Variants in CCDC39 observed in about 807,000 individuals in gnomAD.
CCDC39 encodes the protein coiled-coil domain 39 molecular ruler complex subunit.
A neutral mutation model predicts 121.0 loss-of-function variants in CCDC39; 113 were observed. The ratio of observed to expected loss-of-function variants is 0.93; its 90% CI spans 0.80 to 1.09. The LOEUF (loss-of-function observed/expected upper bound fraction) is 1.09, where lower values mean the gene tolerates loss of function less well. Among genes scored for constraint, CCDC39 ranks in the 50% least tolerant of loss-of-function variants. CCDC39 has a pLI of 0.00. For synonymous variants in CCDC39, 349 were observed against 352.2 expected (o/e 0.99, Z 0.10); for missense variants, 1,063 against 1,074.7 (o/e 0.99, Z 0.15).
rs778384363 is a variant in CCDC39 at position 180,679,367 on chromosome 3, A to G, written c.14T>C (p.Phe5Ser). MSSE[F>S]LAELHWEDGF... ...ATCCTCCCAGTGCAGCTCAGCCAGG[A>G]ATTCGCTACTCATGACTGCAAACGG... is the stretch of plus-strand genomic sequence containing the variant. The change falls in exon 1 of 20, where the codon TTC becomes TCC. Residue 5 changes from phenylalanine to serine, a missense_variant. Coordinates refer to ENST00000476379, the MANE Select transcript of CCDC39 (RefSeq NM_181426.2). The surrounding 1 kb of genome is among the most constrained non-coding windows in gnomAD (Gnocchi z 4.0). 1 of 1,613,868 alleles carries G rather than the reference A, an allele frequency of 6.2e-7. No individual in the cohort carries two copies. The highest frequency in any genetic ancestry group is 2.2e-5 in the East Asian group (1 of 44,858).
rs1196761332 is a variant in CCDC39, at chr3:180,615,022, G to A, written c.2725C>T (p.Leu909Phe). 1.9e-6 allele frequency: 3 copies of A among 1,558,332 alleles called. No individual in the cohort carries two copies. The highest frequency in any genetic ancestry group is 2.6e-6 in the Non-Finnish European group (3 of 1,150,090). Residue 909 changes from leucine to phenylalanine, a missense_variant, in exon 20 of 20, where the codon CTT (leucine) becomes TTT (phenylalanine). Coordinates refer to ENST00000476379, the MANE Select transcript of CCDC39 (RefSeq NM_181426.2). The stretch of plus-strand genomic sequence containing the variant: ...AGTGAAGAGGAGGCCGGGAATTTAA[G>A]CTCCAGTACTTTAATTGAAGACTGA... ...TSQSSIKVLELKFPASSSLVG... is the reference protein window; with the variant it reads ...TSQSSIKVLEFKFPASSSLVG...
rs369225944 is a variant in CCDC39 at position 180,660,580 on chromosome 3, T to C, written c.506A>G (p.Asn169Ser). 29 of 1,580,376 alleles carry C rather than the reference T, an allele frequency of 1.8e-5. No homozygotes were observed. Among genetic ancestry groups the C allele is most frequent in the Non-Finnish European group, 2.4e-5 (28 of 1,159,926 alleles). Residue 169 changes from asparagine (N) to serine (S), a missense_variant, in exon 4 of 20, where the codon AAT becomes AGT. Physicochemically the swap from Asn to Ser is conservative, Grantham distance 46. Coordinates refer to ENST00000476379, the MANE Select transcript of CCDC39 (RefSeq NM_181426.2). ...TLQKYAQQDDNKIRALTLQLE... is the reference protein window; with the variant it reads ...TLQKYAQQDDSKIRALTLQLE... ...TTTGTAATTTCTCACCCTGATTTTA[T>C]TATCATCTTGTTGTGCATACTTCTG...
intron 7 of CCDC39, among the ~76,000 whole-genome samples, chr3:180,653,255 C>G (rs1447949556): frequency 6.6e-6 from 1 of 152,202 alleles, no homozygotes; most frequent in African/African-American, 2.4e-5. Flanking sequence ...CCACTGCAAC[C>G]TTGTACAAAA....
At chr3:180,637,377 C>T (rs1199769553) in intron 13 of CCDC39, among the ~76,000 whole-genome samples, 1 of 152,130 alleles carries the variant, frequency 6.6e-6, no homozygotes. Flanking sequence ...GATACCATCT[C>T]ACACCAGTCA....
chr3:180,630,549 T>A (rs1360267693), intron 14 of CCDC39, among the ~76,000 whole-genome samples: 2 of 152,190 alleles, frequency 1.3e-5, no homozygotes, highest in Non-Finnish European at 2.9e-5. Context: ...CTCACCCCTA[T>A]TCATGTATGG....
At chr3:180,625,406 A>T (rs1717536157) in intron 14 of CCDC39, among the ~76,000 whole-genome samples, 3 of 136,260 alleles carry the variant, frequency 2.2e-5, no homozygotes, top group African/African-American at 5.5e-5. Context: ...CCCTGAATTG[A>T]TTTCTGATTT....
rs1188756080 is a variant in CCDC39, at chr3:180,642,054, C to G, written c.1813G>C (p.Val605Leu). 1.2e-6 allele frequency: 2 copies of G among 1,610,250 alleles called. No individual in the cohort carries two copies. Among genetic ancestry groups the G allele is most frequent in the Admixed American group, 3.3e-5 (2 of 59,728 alleles). Residue 605 changes from valine (V) to leucine (L), a missense_variant, in exon 13 of 20, where the codon GTT (valine) becomes CTT (leucine). Transcript: ENST00000476379. ...TGTGACGCAAGCATTGTTTTATGAACCTTGATTTCTTCAGTTCGCTCTTCC... is the reference window on the plus strand; with the variant it reads ...TGTGACGCAAGCATTGTTTTATGAAGCTTGATTTCTTCAGTTCGCTCTTCC... The part of the protein sequence containing the change: ...AMEERTEEIK[V>L]HKTMLASQIR...
chr3:180,654,347 A>C (rs1484288424), intron 7 of CCDC39, among the ~76,000 whole-genome samples: 8 of 151,896 alleles, frequency 5.3e-5, no homozygotes, highest in Admixed American at 1.3e-4. Flanking sequence ...TTCTCAAAGA[A>C]AACACAGGAG....
At position 180,614,323 on chromosome 3, in the gene CCDC39, T is replaced by G. The variant is rs950032442; in HGVS notation, c.*598A>C. The G allele has an allele frequency of 6.6e-6, 1 of 151,026 alleles. No homozygotes were observed. Among genetic ancestry groups the G allele is most frequent in the African/African-American group, 2.4e-5 (1 of 41,044 alleles). The allele number at this position is 151,026 out of a possible 1,614,324, so 9.4% of individuals were successfully genotyped here. A position where few individuals can be genotyped will look rare whatever the true frequency, so the allele number is the denominator to read the frequency against. Reference sequence around the variant, plus strand: ...AAGGTCAGAAGTGATTTTTCTAAATTTATGCTGCATTTTAAAATTGATATA... The same window carrying G: ...AAGGTCAGAAGTGATTTTTCTAAATGTATGCTGCATTTTAAAATTGATATA... On this transcript the variant is annotated 3_prime_UTR_variant, in exon 20 of 20. Coordinates refer to ENST00000476379, the MANE Select transcript of CCDC39 (RefSeq NM_181426.2).
At chr3:180,630,076 CA>C (rs1176690915) in intron 14 of CCDC39, among the ~76,000 whole-genome samples, 1 of 152,126 alleles carries the variant, frequency 6.6e-6, no homozygotes, top group Non-Finnish European at 1.5e-5. Flanking sequence ...TTAGGCCTCA[CA>C]TGGTTAAGTA....
intron 13 of CCDC39, among the ~76,000 whole-genome samples, chr3:180,638,612 G>A (rs544975063): frequency 1.4e-4 from 21 of 152,096 alleles, no homozygotes; most frequent in African/African-American, 4.8e-4. Flanking sequence ...ACAATAGCAA[G>A]AGACTATAAT....
intron 17 of CCDC39, 59 bp from the exon 18 acceptor site, chr3:180,616,754 T>G: frequency 6.3e-7 from 1 of 1,577,094 alleles, no homozygotes; most frequent in South Asian, 1.2e-5. Flanking sequence ...TTAATATTTT[T>G]AATAGATGAA....
At chr3:180,615,600 T>C (rs1377969571) in intron 19 of CCDC39, among the ~76,000 whole-genome samples, 1 of 152,166 alleles carries the variant, frequency 6.6e-6, no homozygotes, top group East Asian at 1.9e-4. Context: ...CAGTTTTTTA[T>C]ACTTAAATGA....
intron 1 of CCDC39, among the ~76,000 whole-genome samples, chr3:180,677,155 AATAATAATAATTTTATATATAT>A (rs1325400006): frequency 2.9e-5 from 3 of 104,618 alleles, no homozygotes; most frequent in African/African-American, 1.3e-4. Flanking sequence ...TAATAATAAT[AATAATAATAATTTTATATATAT>A]ATATATATAT....
intron 6 of CCDC39, among the ~76,000 whole-genome samples, chr3:180,658,559 T>C (rs973414716): frequency 6.6e-6 from 1 of 151,036 alleles, no homozygotes; most frequent in East Asian, 1.9e-4. Flanking sequence ...ATCAGGTCAC[T>C]GCACTCCAGC....
chr3:180,652,020 A>G (rs1039128546), intron 8 of CCDC39, 143 bp downstream of exon 8: 13 of 516,182 alleles, frequency 2.5e-5, no homozygotes, highest in Middle Eastern at 5.8e-4. Context: ...CTGGGCAACA[A>G]AGCAAGACTC....
At chr3:180,673,390 C>A (rs1712102989) in intron 1 of CCDC39, among the ~76,000 whole-genome samples, 1 of 152,198 alleles carries the variant, frequency 6.6e-6, no homozygotes, top group Non-Finnish European at 1.5e-5. Context: ...CCTTCAGCCA[C>A]CACCTTGATC....
rs11914296 is a variant in CCDC39, at chr3:180,651,205, G to A, written c.1167+196C>T. Among the ~76,000 whole-genome samples the A allele has an allele frequency of 2.3e-3, 343 of 149,832 alleles. 2 individuals are homozygous for A. Among genetic ancestry groups the A allele is most frequent in the African/African-American group, 8.5e-3 (337 of 39,588 alleles). On this transcript the variant is annotated intron_variant, in intron 9 of 19. Transcript: ENST00000476379. ...AGCCAGACTTCATCACAAAAAAAAA[G>A]AAAAAAGAGAGAGGAGACTGAGAAT... is the stretch of plus-strand genomic sequence containing the variant.
At chr3:180,631,997 C>T (rs188516520) in intron 13 of CCDC39, among the ~76,000 whole-genome samples, 3 of 152,284 alleles carry the variant, frequency 2.0e-5, no homozygotes, top group African/African-American at 7.2e-5. Context: ...GTTTGACTGG[C>T]TCCCCTTGCT....
Sources: gnomAD v4.1 joint callset for allele counts (sites outside exome capture counted in the v4.1 genomes callset) on GRCh38, gnomAD v4.1.1 for gene constraint, Gnocchi (gnomAD v3.1) non-coding constraint, MANE v1.5 for transcripts, NCBI Gene and HGNC (gene_info 2026-07-23, HGNC 2026-07-21) for gene names.